Variants in SLC39A12 observed in about 807,000 individuals in gnomAD.
SLC39A12 encodes the protein solute carrier family 39 member 12, also known as zinc transporter ZIP12.
SLC39A12 carries 63 observed loss-of-function variants against 71.1 expected under a neutral mutation model. That is an observed-to-expected ratio of 0.89 (90% CI 0.72 to 1.09). The LOEUF is 1.09. Among genes scored for constraint, SLC39A12 ranks in the 50% least tolerant of loss-of-function variants. SLC39A12 has a pLI of 0.00. For synonymous variants in SLC39A12, 351 were observed against 301.3 expected, an observed-to-expected ratio of 1.16 and a Z score of -1.71; for missense variants, 892 against 812.6, an observed-to-expected ratio of 1.10 and a Z score of -1.19.
Position 18,042,810 on chromosome 10 carries a change from T to C in SLC39A12, c.2053T>C (p.Tyr685His), listed in dbSNP as rs1175503935. The change falls in exon 13 of 13, where the codon TAT (tyrosine) becomes CAT (histidine). Residue 685 changes from tyrosine (Y) to histidine (H), a missense_variant. Coordinates refer to ENST00000377369, the MANE Select transcript of SLC39A12 (RefSeq NM_001145195.2). ...GWLSLLLLAI[Y>H]EQNIKI ...GCTTTCTCTCCTGCTCTTGGCTATA[T>C]ATGAGCAAAATATTAAAATATAAGT... The C allele has an allele frequency of 5.6e-6, 9 of 1,609,828 alleles. No homozygotes were observed. Among genetic ancestry groups the C allele is most frequent in the East Asian group, 2.2e-5 (1 of 44,626 alleles).
intron 12 of SLC39A12, among the ~76,000 whole-genome samples, chr10:18,028,238 T>A (rs550090267): frequency 6.6e-6 from 1 of 152,326 alleles, no homozygotes; most frequent in Admixed American, 6.5e-5. Flanking sequence ...CTAAATGTCA[T>A]CAGTAAATGA....
At chr10:18,013,519 C>A (rs947211725) in intron 12 of SLC39A12, among the ~76,000 whole-genome samples, 1 of 151,852 alleles carries the variant, frequency 6.6e-6, no homozygotes, top group East Asian at 1.9e-4. Context: ...AGGCACCTGC[C>A]ACCATGCCCA....
At chr10:18,013,730 T>C (rs1174910040) in intron 12 of SLC39A12, among the ~76,000 whole-genome samples, 1 of 152,132 alleles carries the variant, frequency 6.6e-6, no homozygotes, top group Admixed American at 6.5e-5. Context: ...GGACTCTCCT[T>C]TGACCATTGA....
At chr10:17,964,704 C>G (rs1834778106) in intron 3 of SLC39A12, among the ~76,000 whole-genome samples, 2 of 152,186 alleles carry the variant, frequency 1.3e-5, no homozygotes, top group East Asian at 1.9e-4. Flanking sequence ...TGAGTACACA[C>G]TGAGCTTGGG....
chr10:17,993,474 A>C (rs1351204285), intron 9 of SLC39A12, among the ~76,000 whole-genome samples, 183 bp downstream of exon 9: 3 of 152,242 alleles, frequency 2.0e-5, no homozygotes, highest in African/African-American at 7.2e-5. Flanking sequence ...TCTAAAGAGC[A>C]ACAGGCACCC....
intron 4 of SLC39A12, among the ~76,000 whole-genome samples, chr10:17,967,413 T>G (rs1834853853): frequency 6.6e-6 from 1 of 152,182 alleles, no homozygotes; most frequent in Non-Finnish European, 1.5e-5. Context: ...CTTCTAACAC[T>G]CATTTCTTCC....
At chr10:17,969,240 T>G (rs1458441623) in intron 4 of SLC39A12, among the ~76,000 whole-genome samples, 1 of 152,202 alleles carries the variant, frequency 6.6e-6, no homozygotes, top group African/African-American at 2.4e-5. Context: ...TGAACAGTGC[T>G]GTGACAAAAA....
chr10:18,026,667 G>A (rs1366434989), intron 12 of SLC39A12, among the ~76,000 whole-genome samples: 1 of 151,830 alleles, frequency 6.6e-6, no homozygotes, highest in Non-Finnish European at 1.5e-5. Flanking sequence ...GCCTTTTGTA[G>A]TTGTCCCATA....
Position 18,000,694 on chromosome 10 carries a change from T to C in SLC39A12, c.1628T>C (p.Met543Thr). Residue 543 changes from methionine (M) to threonine (T), a missense_variant, in exon 11 of 13, where the codon ATG (methionine) becomes ACG (threonine). Physicochemically the swap from Met to Thr is moderately conservative, Grantham distance 81. Coordinates refer to ENST00000377369, the MANE Select transcript of SLC39A12 (RefSeq NM_001145195.2). The stretch of plus-strand genomic sequence containing the variant: ...AAAGCCATTAGCTTGTTAGCAATCA[T>C]GATTCTGGTTGGGGACAGCCTGCAT... ...KCKAISLLAIMILVGDSLHNF... is the reference protein window; with the variant it reads ...KCKAISLLAITILVGDSLHNF... 1 of 1,614,212 alleles carries C rather than the reference T, an allele frequency of 6.2e-7. No homozygotes were observed. The highest frequency in any genetic ancestry group is 8.5e-7 in the Non-Finnish European group (1 of 1,180,032).
At chr10:17,967,611 C>A (rs990231945) in intron 4 of SLC39A12, among the ~76,000 whole-genome samples, 1 of 151,988 alleles carries the variant, frequency 6.6e-6, no homozygotes, top group South Asian at 2.1e-4. Context: ...AGGCCGGGCG[C>A]GGTGGCTCAC....
intron 12 of SLC39A12, among the ~76,000 whole-genome samples, chr10:18,030,324 G>A (rs186168050): frequency 7.0e-4 from 106 of 150,970 alleles, no homozygotes; most frequent in African/African-American, 2.3e-3. Flanking sequence ...GCACAGTGGC[G>A]CCTCCCAGGT....
chr10:18,032,725 G>T (rs1172821326), intron 12 of SLC39A12, among the ~76,000 whole-genome samples: 1 of 151,928 alleles, frequency 6.6e-6, no homozygotes, highest in Non-Finnish European at 1.5e-5. Flanking sequence ...CCTGTCTTGT[G>T]CCAGTTTTCA....
chr10:18,036,262 C>A (rs1316043026), intron 12 of SLC39A12, among the ~76,000 whole-genome samples: 1 of 152,212 alleles, frequency 6.6e-6, no homozygotes, highest in Non-Finnish European at 1.5e-5. Context: ...TGCCGCCTTG[C>A]AGTTTGATCT....
chr10:17,992,239 TG>T (rs1253207001), intron 8 of SLC39A12, among the ~76,000 whole-genome samples: 1 of 152,118 alleles, frequency 6.6e-6, no homozygotes, highest in Non-Finnish European at 1.5e-5. Flanking sequence ...GATAGCTACA[TG>T]ATAAAATAGA....
chr10:17,995,515 C>G, intron 9 of SLC39A12, 141 bp from the exon 10 acceptor site: 2 of 682,632 alleles, frequency 2.9e-6, no homozygotes, highest in South Asian at 4.1e-5. Flanking sequence ...TTGTGTGTGT[C>G]TATGAAACCT....
chr10:17,987,881 A>G (rs1263519250), intron 7 of SLC39A12, among the ~76,000 whole-genome samples: 1 of 152,054 alleles, frequency 6.6e-6, no homozygotes, highest in African/African-American at 2.4e-5. Context: ...GAAATAAAAC[A>G]AAGGAAAGGT....
At chr10:17,978,509 T>C (rs7096615) in intron 5 of SLC39A12, among the ~76,000 whole-genome samples, 9,652 of 152,300 alleles carry the variant, frequency 0.063, 367 homozygotes, top group Middle Eastern at 0.095. Context: ...TTCAGACTCA[T>C]GTTTATTGTA....
rs1381998915 is a variant in SLC39A12, at chr10:17,952,011, A to G, written c.-101A>G. The G allele has an allele frequency of 6.6e-6, 1 of 152,198 alleles. No individual in the cohort carries two copies. Among genetic ancestry groups the G allele is most frequent in the East Asian group, 1.9e-4 (1 of 5,200 alleles). 9.4% of individuals were successfully genotyped at this position (152,198 alleles called of 1,614,324 possible). A position where few individuals can be genotyped will look rare whatever the true frequency, so the allele number is the denominator to read the frequency against. On this transcript the variant is annotated 5_prime_UTR_variant, in exon 1 of 13. Coordinates refer to ENST00000377369, the MANE Select transcript of SLC39A12 (RefSeq NM_001145195.2). The stretch of plus-strand genomic sequence containing the variant: ...TGGAGCTCCAGATAAAGAATCGTTT[A>G]TCTTTCTTCTGAAGGTAAGCACTGG...
chr10:18,036,989 A>G (rs1004426519), intron 12 of SLC39A12, among the ~76,000 whole-genome samples: 6 of 151,176 alleles, frequency 4.0e-5, no homozygotes, highest in African/African-American at 1.5e-4. Context: ...GTTTCACCAT[A>G]TTGGCCAGGC....
Sources: gnomAD v4.1 joint callset for allele counts (sites outside exome capture counted in the v4.1 genomes callset) on GRCh38, gnomAD v4.1.1 for gene constraint, MANE v1.5 for transcripts, NCBI Gene and HGNC (gene_info 2026-07-23, HGNC 2026-07-21) for gene names.